Variants in PRKCQ observed in about 807,000 individuals in gnomAD.
PRKCQ encodes protein kinase C theta type.
Under a neutral mutation model 91.2 loss-of-function variants are expected in PRKCQ, and 41 were observed. The ratio of observed to expected loss-of-function variants is 0.45; its 90% confidence interval spans 0.35 to 0.58. PRKCQ has a LOEUF of 0.58. PRKCQ is among the 20% of genes least tolerant of loss of function. The pLI is 0.00. For synonymous variants in PRKCQ, 307 were observed against 316.9 expected, an observed-to-expected ratio of 0.97 and a Z score of 0.33; for missense variants, 673 against 896.5, an observed-to-expected ratio of 0.75 and a Z score of 3.18.
intron 14 of PRKCQ, among the ~76,000 whole-genome samples, chr10:6,457,307 C>T (rs1014845228): frequency 6.6e-6 from 1 of 152,258 alleles, no homozygotes; most frequent in Admixed American, 6.5e-5. Context: ...GAACTAGTAT[C>T]CTCTTAAAAG....
chr10:6,422,749 G>A (rs1422533187), downstream of PRKCQ, among the ~76,000 whole-genome samples: 1 of 152,168 alleles, frequency 6.6e-6, no homozygotes, highest in African/African-American at 2.4e-5. Flanking sequence ...ATATTTTATA[G>A]TCAAAGCTTC....
Position 6,498,156 on chromosome 10 carries a change from A to G in PRKCQ, c.542+240T>C, listed in dbSNP as rs1837717566. 2.0e-5 allele frequency among the ~76,000 whole-genome samples: 3 copies of G among 150,812 alleles called. No homozygotes were observed. The South Asian group carries it at 6.4e-4, about 32-fold the overall frequency. ...CCCACTTACCCCCAATAGCCCCCCC[A>G]TTGAGGCAGAAACTAAAATCCCATG... On this transcript the variant is annotated intron_variant, in intron 5 of 17. Transcript: ENST00000263125.
chr10:6,534,487 A>G (rs1226060635), intron 1 of PRKCQ, among the ~76,000 whole-genome samples: 1 of 152,220 alleles, frequency 6.6e-6, no homozygotes, highest in African/African-American at 2.4e-5. Flanking sequence ...AGATCTCGCC[A>G]TAGCAATTTG....
chr10:6,544,622 C>T (rs1839887166), intron 1 of PRKCQ, among the ~76,000 whole-genome samples: 1 of 151,440 alleles, frequency 6.6e-6, no homozygotes. Context: ...TCCTACCCCA[C>T]ACTCTTTTTT....
intron 9 of PRKCQ, 100 bp downstream of exon 9, chr10:6,485,935 G>A (rs1301260459): frequency 8.7e-6 from 9 of 1,031,740 alleles, no homozygotes; most frequent in Admixed American, 1.9e-5. Flanking sequence ...AATACATCCC[G>A]GCATTTCCCA....
At chr10:6,580,073 C>T (rs1841410141) in intron 1 of PRKCQ, 138 bp downstream of exon 1, 2 of 152,244 alleles carry the variant, frequency 1.3e-5, no homozygotes, top group South Asian at 4.1e-4. Context: ...GGTTCCATTT[C>T]CTACTCCGCC....
At chr10:6,454,611 CAAGA>C (rs1267926538) in intron 15 of PRKCQ, among the ~76,000 whole-genome samples, 2 of 151,906 alleles carry the variant, frequency 1.3e-5, no homozygotes, top group Non-Finnish European at 2.9e-5. Context: ...TGTAATTCAC[CAAGA>C]AAGAAAAGGA....
chr10:6,531,209 A>G (rs1450844019), intron 1 of PRKCQ, among the ~76,000 whole-genome samples: 1 of 151,848 alleles, frequency 6.6e-6, no homozygotes, highest in Non-Finnish European at 1.5e-5. Flanking sequence ...ACGGATGCAT[A>G]TTGAAGTTCG....
At chr10:6,460,251 T>C (rs2096832977) in intron 14 of PRKCQ, among the ~76,000 whole-genome samples, 1 of 151,652 alleles carries the variant, frequency 6.6e-6, no homozygotes, top group Non-Finnish European at 1.5e-5. Flanking sequence ...GACTCGAAAA[T>C]GGGTACAATT....
At chr10:6,553,514 A>AAAAC (rs71379862) in intron 1 of PRKCQ, among the ~76,000 whole-genome samples, 1 of 146,618 alleles carries the variant, frequency 6.8e-6, no homozygotes, top group African/African-American at 2.7e-5. Flanking sequence ...AAAAAAAAAA[A>AAAAC]AAACAAACAA....
chr10:6,547,720 C>A (rs886598196), intron 1 of PRKCQ, among the ~76,000 whole-genome samples: 7 of 151,876 alleles, frequency 4.6e-5, no homozygotes, highest in Admixed American at 3.9e-4. Flanking sequence ...ACACCTTATA[C>A]AAAAATTAAT....
chr10:6,465,145 C>T lies in PRKCQ; in HGVS notation c.1354-741G>A, dbSNP rs946374343. Among the ~76,000 whole-genome samples the T allele has an allele frequency of 2.6e-5, 4 of 152,178 alleles. No homozygotes were observed. Among genetic ancestry groups the T allele is most frequent in the Non-Finnish European group, 4.4e-5 (3 of 68,034 alleles). On this transcript the variant is annotated intron_variant, in intron 12 of 17. Transcript: ENST00000263125. This position sits in a 1 kb window ranked among gnomAD's most constrained non-coding sequence, Gnocchi z 4.4. ...TCCAAGGGCGGAGCTTGAAAACATT[C>T]ATTCACTCAACACTCAGTAATTAGC...
At chr10:6,490,168 G>A (rs1281599502) in intron 8 of PRKCQ, among the ~76,000 whole-genome samples, 1 of 152,152 alleles carries the variant, frequency 6.6e-6, no homozygotes, top group African/African-American at 2.4e-5. Context: ...TGAGGCTAAT[G>A]TTGGCCTCCT....
At chr10:6,424,915 G>C (rs1053183950), downstream of PRKCQ, among the ~76,000 whole-genome samples, 1 of 152,160 alleles carries the variant, frequency 6.6e-6, no homozygotes, top group Non-Finnish European at 1.5e-5. Context: ...CTATTGGCAA[G>C]GTTGAGTCTA....
intron 4 of PRKCQ, among the ~76,000 whole-genome samples, chr10:6,505,614 CCCTT>C (rs55786517): frequency 2.2e-4 from 31 of 143,588 alleles, no homozygotes; most frequent in African/African-American, 6.4e-4. Flanking sequence ...CTCTCTCTCT[CCCTT>C]CCTTCCTTCC....
At chr10:6,550,004 A>C (rs541719549) in intron 1 of PRKCQ, among the ~76,000 whole-genome samples, 26 of 152,194 alleles carry the variant, frequency 1.7e-4, no homozygotes, top group African/African-American at 6.0e-4. Flanking sequence ...TTGGGCATTC[A>C]TCTCCAGAAC....
At chr10:6,410,935 C>T in the PRKCQ span, among the ~76,000 whole-genome samples, 1 of 149,470 alleles carries the variant, frequency 6.7e-6, no homozygotes, top group Admixed American at 6.7e-5. Context: ...CGAGATCACA[C>T]CACTGCACTC....
chr10:6,532,993 A>G (rs1839444876), intron 1 of PRKCQ, among the ~76,000 whole-genome samples: 1 of 152,114 alleles, frequency 6.6e-6, no homozygotes, highest in Admixed American at 6.5e-5. Context: ...AGTAATGTTT[A>G]GATTTTGTTT....
rs1435190990 is a variant in PRKCQ, at chr10:6,465,241, T to TTGC, written c.1354-840_1354-838dup. Among the ~76,000 whole-genome samples, 3 of 152,172 alleles carry TTGC rather than the reference T, an allele frequency of 2.0e-5. No homozygotes were observed. Among genetic ancestry groups the TTGC allele is most frequent in the Admixed American group, 2.0e-4 (3 of 15,274 alleles). ...CATGTCAGTCATTCCTCCCTGAAGC[T>TTGC]TGCAATCAAGTTTAACCTTATTTTT... On this transcript the variant is annotated intron_variant, in intron 12 of 17. Transcript: ENST00000263125. The surrounding 1 kb of genome is among the most constrained non-coding windows in gnomAD (Gnocchi z 4.4).
Sources: allele counts gnomAD v4.1 joint callset (sites outside exome capture counted in the v4.1 genomes callset), GRCh38; gene constraint gnomAD v4.1.1; non-coding constraint Gnocchi (gnomAD v3.1); transcripts MANE v1.5; gene names NCBI Gene and HGNC (gene_info 2026-07-23, HGNC 2026-07-21).